The following ACP1 variants were observed in gnomAD, a reference collection of about 807,000 sequenced individuals.
ACP1 encodes the protein low molecular weight phosphotyrosine protein phosphatase.
Under a neutral mutation model 23.4 loss-of-function variants are expected in ACP1, and 23 were observed. The ratio of observed to expected loss-of-function variants is 0.98; its 90% CI spans 0.71 to 1.39. The LOEUF (loss-of-function observed/expected upper bound fraction) is 1.39. ACP1 is among the 40% of genes most tolerant of loss of function. ACP1 has a pLI of 0.00. For missense variants in ACP1, 180 were observed against 197.7 expected (o/e 0.91, Z 0.54); for synonymous variants, 72 against 67.2 (o/e 1.07, Z -0.35).
chr2:269,693 A>G (rs1332044482), intron 1 of ACP1, among the ~76,000 whole-genome samples: 4 of 152,118 alleles, frequency 2.6e-5, no homozygotes, highest in African/African-American at 7.2e-5. Flanking sequence ...GATCATAGAA[A>G]CTAGAACTCC....
chr2:276,064 G>T (rs538446190), intron 4 of ACP1, among the ~76,000 whole-genome samples: 2 of 152,134 alleles, frequency 1.3e-5, no homozygotes, highest in East Asian at 3.9e-4. Flanking sequence ...CTTTTTAGGA[G>T]ACCCCATTTG....
At chr2:276,341 G>A (rs1027322409) in intron 4 of ACP1, among the ~76,000 whole-genome samples, 15 of 152,172 alleles carry the variant, frequency 9.9e-5, no homozygotes, top group African/African-American at 2.9e-4. Context: ...GTAAAACTTC[G>A]TGCATGGGAG....
intron 1 of ACP1, among the ~76,000 whole-genome samples, chr2:268,055 G>A (rs1398235998): frequency 6.6e-6 from 1 of 152,164 alleles, no homozygotes; most frequent in Admixed American, 6.5e-5. Flanking sequence ...TCAGACCCCT[G>A]TTTTAGGTCC....
At chr2:275,752 ACCTGCCCCAGTC>A (rs1670152307) in intron 4 of ACP1, 1 of 154,166 alleles carries the variant, frequency 6.5e-6, no homozygotes, top group Admixed American at 6.5e-5. Flanking sequence ...CACCCTCCTG[ACCTGCCCCAGTC>A]CCATGTTCAA....
chr2:277,408 C>T lies in ACP1; in HGVS notation c.*104C>T. The T allele has an allele frequency of 1.0e-6, 1 of 986,478 alleles. No homozygotes were observed. Among genetic ancestry groups the T allele is most frequent in the Non-Finnish European group, 1.6e-6 (1 of 614,294 alleles). 61.1% of individuals were successfully genotyped at this position (986,478 alleles called of 1,614,324 possible). A position where few individuals can be genotyped will look rare whatever the true frequency, so the allele number is the denominator to read the frequency against. ...ACGTTCCAGGGCCCAAAGCCCAGCT[C>T]TTTGTTCAGTTGACTTACTGTTTCT... On this transcript the variant is annotated 3_prime_UTR_variant, in exon 6 of 6. Transcript: ENST00000272065.
intron 1 of ACP1, among the ~76,000 whole-genome samples, chr2:267,174 G>A (rs898491396): frequency 2.6e-5 from 4 of 152,176 alleles, no homozygotes; most frequent in African/African-American, 4.8e-5. Flanking sequence ...GGTAACCATG[G>A]AAAGCAAAAC....
intron 1 of ACP1, among the ~76,000 whole-genome samples, chr2:269,076 G>T (rs939047639): frequency 6.6e-6 from 1 of 152,124 alleles, no homozygotes; most frequent in African/African-American, 2.4e-5. Flanking sequence ...TCTTAATTTG[G>T]AATACAATGT....
At chr2:269,740 ACT>A (rs1669981388) in intron 1 of ACP1, among the ~76,000 whole-genome samples, 1 of 151,456 alleles carries the variant, frequency 6.6e-6, no homozygotes, top group Non-Finnish European at 1.5e-5. Flanking sequence ...TAGAAAGATC[ACT>A]CTCTCCCTTT....
At chr2:276,526 C>G (rs1670178377) in intron 4 of ACP1, among the ~76,000 whole-genome samples, 1 of 152,076 alleles carries the variant, frequency 6.6e-6, no homozygotes, top group Non-Finnish European at 1.5e-5. Flanking sequence ...GAGTTTTCAG[C>G]TTGGGCAGAG....
chr2:273,567 C>T (rs562435802), intron 3 of ACP1, among the ~76,000 whole-genome samples: 1 of 152,284 alleles, frequency 6.6e-6, no homozygotes, highest in Admixed American at 6.5e-5. Flanking sequence ...ACAGCCAGAG[C>T]GGCCTGGTGG....
chr2:275,053 C>A, intron 3 of ACP1, 87 bp from the exon 4 acceptor site: 1 of 525,884 alleles, frequency 1.9e-6, no homozygotes, highest in Admixed American at 3.3e-5. Context: ...TCAAATACAG[C>A]AGTTTTTTTT....
In ACP1 at chr2:277,980, A is replaced by G. The variant is rs1258525065; in HGVS notation, c.*676A>G. 6.6e-6 allele frequency: 1 copy of G among 152,330 alleles called. No individual in the cohort carries two copies. The highest frequency in any genetic ancestry group is 1.5e-5 in the Non-Finnish European group (1 of 68,128). The allele number at this position is 152,330 out of a possible 1,614,324, so 9.4% of individuals were successfully genotyped here. On this transcript the variant is annotated 3_prime_UTR_variant, in exon 6 of 6. Coordinates refer to ENST00000272065, the MANE Select transcript of ACP1 (RefSeq NM_004300.4). Reference sequence around the variant, plus strand: ...TGAACCACTTTGCCTCTGAAACTTAATTACATCCAGAAAGAAGGACACTTG... The same window carrying G: ...TGAACCACTTTGCCTCTGAAACTTAGTTACATCCAGAAAGAAGGACACTTG...
intron 1 of ACP1, chr2:269,280 C>T (rs575516169): frequency 1.9e-4 from 91 of 470,212 alleles, no homozygotes; most frequent in African/African-American, 1.5e-3. Context: ...AATTTGTTGT[C>T]TTTCCCTTTA....
At chr2:266,454 G>C (rs920951922) in intron 1 of ACP1, 6 of 152,138 alleles carry the variant, frequency 3.9e-5, no homozygotes, top group African/African-American at 1.4e-4. Flanking sequence ...CGATTATGCT[G>C]GCATAATGCA....
chr2:276,363 T>A (rs1321697020), intron 4 of ACP1, among the ~76,000 whole-genome samples: 2 of 152,216 alleles, frequency 1.3e-5, no homozygotes, highest in Non-Finnish European at 2.9e-5. Flanking sequence ...TCTTGGCTGT[T>A]CCGTTCCCAC....
chr2:269,496 G>A, intron 1 of ACP1: 1 of 349,360 alleles, frequency 2.9e-6, no homozygotes. Context: ...GACCCTAATA[G>A]TGATAAAGAG....
In ACP1 at chr2:271,903, C is replaced by T. The variant is rs1347667770; in HGVS notation, c.81C>T (p.Phe27=). ...ICRSPIAEAV[F]RKLVTDQNIS... ...GATCACCCATTGCAGAAGCAGTTTT[C>T]AGGAAACTTGTAACCGATCAAAACA... Residue 27 remains phenylalanine, a synonymous_variant, in exon 2 of 6, where the codon TTC becomes TTT. Transcript: ENST00000272065. 1 of 1,612,264 alleles carries T rather than the reference C, an allele frequency of 6.2e-7. No individual in the cohort carries two copies. Among genetic ancestry groups the T allele is most frequent in the Non-Finnish European group, 8.5e-7 (1 of 1,179,344 alleles).
At chr2:274,852 A>G (rs1293706343) in intron 3 of ACP1, 3 of 224,758 alleles carry the variant, frequency 1.3e-5, no homozygotes, top group African/African-American at 6.7e-5. Flanking sequence ...TGACTGTATT[A>G]TACACTGCTA....
chr2:269,476 A>T, intron 1 of ACP1: 1 of 394,944 alleles, frequency 2.5e-6, no homozygotes, highest in Non-Finnish European at 5.2e-6. Context: ...TTTGTTTATC[A>T]TAAACAGAAG....
Sources: gnomAD v4.1 joint callset for allele counts (sites outside exome capture counted in the v4.1 genomes callset) on GRCh38, gnomAD v4.1.1 for gene constraint, MANE v1.5 for transcripts, NCBI Gene and HGNC (gene_info 2026-07-23, HGNC 2026-07-21) for gene names.